ERC2: variants seen among roughly 807,000 people sequenced by gnomAD.
The protein encoded by ERC2 is ERC protein 2.
In ERC2, 42 loss-of-function variants were observed where a neutral mutation model predicts 114.8. The ratio of observed to expected loss-of-function variants is 0.37; its 90% CI spans 0.29 to 0.47. The LOEUF (loss-of-function observed/expected upper bound fraction) is 0.47. ERC2 is among the 20% of genes least tolerant of loss of function. The pLI, the probability that ERC2 is intolerant of heterozygous loss-of-function variation, is 0.99. For synonymous variants in ERC2, 454 were observed against 425.5 expected (o/e 1.07, Z -0.82); for missense variants, 939 against 1,150.7 (o/e 0.82, Z 2.66).
At chr3:56,414,398 T>G (rs2061063801) in intron 2 of ERC2, among the ~76,000 whole-genome samples, 1 of 152,236 alleles carries the variant, frequency 6.6e-6, no homozygotes, top group Non-Finnish European at 1.5e-5. Flanking sequence ...GGGGTAGCTC[T>G]TAAATTCCTT....
intron 16 of ERC2, among the ~76,000 whole-genome samples, chr3:55,699,064 C>T (rs1455422203): frequency 6.6e-6 from 1 of 152,156 alleles, no homozygotes; most frequent in East Asian, 1.9e-4. Flanking sequence ...TCTCTTAAAA[C>T]TCTGAAAGAG....
At chr3:55,969,392 T>TACACACACACACACAC (rs10555030) in intron 12 of ERC2, among the ~76,000 whole-genome samples, 3 of 140,604 alleles carry the variant, frequency 2.1e-5, no homozygotes, top group African/African-American at 8.1e-5. Flanking sequence ...TTTATACACA[T>TACACACACACACACAC]ACACACACAC....
At chr3:56,379,042 T>C (rs1222046271) in intron 2 of ERC2, among the ~76,000 whole-genome samples, 1 of 152,196 alleles carries the variant, frequency 6.6e-6, no homozygotes, top group Non-Finnish European at 1.5e-5. Context: ...TTTCGCAACA[T>C]GTAATGAATA....
chr3:55,822,568 C>CTTTT (rs202173599), intron 14 of ERC2, among the ~76,000 whole-genome samples: 1 of 137,082 alleles, frequency 7.3e-6, no homozygotes, highest in African/African-American at 2.8e-5. Flanking sequence ...TCTTTTTTTT[C>CTTTT]TTTTTTTTTT....
intron 13 of ERC2, among the ~76,000 whole-genome samples, chr3:55,942,634 G>A (rs2066887422): frequency 6.6e-6 from 1 of 152,018 alleles, no homozygotes. Flanking sequence ...ACTTATGATT[G>A]CTCAAACCTT....
chr3:56,049,062 C>T (rs949626946), intron 7 of ERC2, among the ~76,000 whole-genome samples: 2 of 152,084 alleles, frequency 1.3e-5, no homozygotes, highest in African/African-American at 4.8e-5. Context: ...GGGGGGCAGG[C>T]AGTACAGAGG....
intron 2 of ERC2, among the ~76,000 whole-genome samples, chr3:56,406,141 C>T (rs1201558376): frequency 1.3e-5 from 2 of 152,004 alleles, no homozygotes; most frequent in African/African-American, 4.8e-5. Context: ...GATCTGCCCA[C>T]ATCAGCTTCC....
At chr3:56,040,622 GTA>G (rs2075110478) in intron 7 of ERC2, among the ~76,000 whole-genome samples, 2 of 91,152 alleles carry the variant, frequency 2.2e-5, no homozygotes, top group African/African-American at 8.0e-5. Flanking sequence ...ATATATAGAT[GTA>G]TATGTATATA....
At chr3:56,031,830 A>G (rs2074395469) in intron 7 of ERC2, among the ~76,000 whole-genome samples, 1 of 152,204 alleles carries the variant, frequency 6.6e-6, no homozygotes, top group Admixed American at 6.5e-5. Flanking sequence ...TAAAGAACAC[A>G]ACTAAACTTG....
chr3:56,347,355 C>T (rs996475966), intron 2 of ERC2, among the ~76,000 whole-genome samples: 11 of 152,050 alleles, frequency 7.2e-5, no homozygotes, highest in Non-Finnish European at 1.6e-4. Context: ...CACATCTCTG[C>T]TTTGTCAGCT....
At chr3:55,579,827 G>T (rs1236594626) in intron 17 of ERC2, among the ~76,000 whole-genome samples, 1 of 152,176 alleles carries the variant, frequency 6.6e-6, no homozygotes, top group Non-Finnish European at 1.5e-5. Flanking sequence ...AGAGCCACAG[G>T]CTCAGTGCTG....
At chr3:55,957,781 C>CT (rs1372322493) in intron 12 of ERC2, among the ~76,000 whole-genome samples, 1 of 151,596 alleles carries the variant, frequency 6.6e-6, no homozygotes, top group Non-Finnish European at 1.5e-5. Flanking sequence ...GCAGCTGGAC[C>CT]AGGTGTACCA....
intron 12 of ERC2, among the ~76,000 whole-genome samples, chr3:55,966,102 A>C (rs891179202): frequency 3.3e-5 from 5 of 152,196 alleles, no homozygotes; most frequent in African/African-American, 1.2e-4. Flanking sequence ...AGGGTATGTT[A>C]ATAACGTTAC....
intron 14 of ERC2, among the ~76,000 whole-genome samples, chr3:55,802,553 C>A (rs1381405789): frequency 7.2e-5 from 11 of 152,084 alleles, no homozygotes; most frequent in Admixed American, 6.6e-4. Context: ...TATCTCAGTG[C>A]TTTTTAAATG....
chr3:56,236,793 A>T lies in ERC2; in HGVS notation c.1074+59226T>A, dbSNP rs146498095. 2.8e-3 allele frequency among the ~76,000 whole-genome samples: 427 copies of T among 152,310 alleles called. 1 individual carries two copies. The highest frequency in any genetic ancestry group is 9.8e-3 in the African/African-American group (409 of 41,562). The stretch of plus-strand genomic sequence containing the variant: ...AGGCTTCACTAGTTTTGCTGGGAAT[A>T]GAGAGAAAACAGATACCTGAGTATT... On this transcript the variant is annotated intron_variant, in intron 3 of 17. Coordinates refer to ENST00000288221, the MANE Select transcript of ERC2 (RefSeq NM_015576.3).
chr3:55,736,131 A>T (rs1180602894), intron 14 of ERC2, among the ~76,000 whole-genome samples: 1 of 152,214 alleles, frequency 6.6e-6, no homozygotes, highest in Non-Finnish European at 1.5e-5. Context: ...TGGTAAAGAG[A>T]GTAAAGTCAT....
intron 7 of ERC2, among the ~76,000 whole-genome samples, chr3:56,033,022 A>AAG: frequency 1.3e-5 from 1 of 75,748 alleles, no homozygotes; most frequent in East Asian, 3.8e-4. Context: ...AAAGAAAGAA[A>AAG]AAAGAAACAG....
chr3:55,938,980 T>TATA (rs1423025855), intron 13 of ERC2, among the ~76,000 whole-genome samples: 2 of 152,210 alleles, frequency 1.3e-5, no homozygotes, highest in African/African-American at 4.8e-5. Context: ...GGATTTGGAG[T>TATA]ATAGCATAAT....
chr3:55,717,506 T>G (rs1021340701), intron 15 of ERC2, among the ~76,000 whole-genome samples: 3 of 152,192 alleles, frequency 2.0e-5, no homozygotes, highest in Non-Finnish European at 4.4e-5. Flanking sequence ...GAAGCTTTCA[T>G]GCCCGTAAAG....
Sources: allele counts gnomAD v4.1 joint callset (sites outside exome capture counted in the v4.1 genomes callset), GRCh38; gene constraint gnomAD v4.1.1; transcripts MANE v1.5; gene names NCBI Gene and HGNC (gene_info 2026-07-23, HGNC 2026-07-21).